LITAF: variants seen among roughly 807,000 people sequenced by gnomAD.
LITAF encodes lipopolysaccharide-induced tumor necrosis factor-alpha factor.
A neutral mutation model predicts 14.5 loss-of-function variants in LITAF; 9 were observed. That is an observed-to-expected ratio of 0.62 (90% confidence interval 0.37 to 1.08). LITAF has a LOEUF of 1.08. Ranked by LOEUF, LITAF falls within the 50% of genes least tolerant of loss-of-function variation. The probability of loss-of-function intolerance (pLI) is 0.01; values close to 1 mark genes in which losing one functional copy is unlikely to be tolerated. For synonymous variants in LITAF, 98 were observed against 88.2 expected (o/e 1.11, Z -0.62); for missense variants, 206 against 213.4 (o/e 0.97, Z 0.22).
chr16:11,623,192 A>G (rs1053643943), intron 3 of LITAF, among the ~76,000 whole-genome samples: 1 of 151,206 alleles, frequency 6.6e-6, no homozygotes, highest in Admixed American at 6.6e-5. Flanking sequence ...CGATCTCCTG[A>G]CCTTGTGATC....
chr16:11,569,439 G>C (rs1438318335), intron 1 of LITAF, among the ~76,000 whole-genome samples: 3 of 151,766 alleles, frequency 2.0e-5, no homozygotes, highest in Non-Finnish European at 4.4e-5. Flanking sequence ...ATGAGGTCTC[G>C]CCATGTTGCC....
chr16:11,581,982 G>C (rs73511519), intron 1 of LITAF, among the ~76,000 whole-genome samples: 1,732 of 152,264 alleles, frequency 0.011, 37 homozygotes, highest in African/African-American at 0.04. Context: ...TAGGTACAAA[G>C]TTACAGTTCA....
At chr16:11,588,528 AAAAG>A (rs781510689), upstream of LITAF, among the ~76,000 whole-genome samples, 82 of 136,420 alleles carry the variant, frequency 6.0e-4, no homozygotes, top group South Asian at 2.8e-3. Context: ...AAAGAAAAAA[AAAAG>A]AAAGAAAAAG....
Position 11,564,130 on chromosome 16 carries a change from G to C in LITAF, c.-5-7395C>G, listed in dbSNP as rs543954711. ...TCACCATGTTGGCCAGGCTGCTCTC[G>C]AACTCCTGACCTCAAGTGATCCACT... On this transcript the variant is annotated intron_variant, in intron 1 of 3. Transcript: ENST00000622633. 3.3e-5 allele frequency among the ~76,000 whole-genome samples: 5 copies of C among 151,952 alleles called. No individual in the cohort carries two copies. In the East Asian group the frequency reaches 9.7e-4, roughly 30 times the overall value.
intron 3 of LITAF, among the ~76,000 whole-genome samples, chr16:11,617,460 C>A (rs763956311): frequency 5.0e-4 from 60 of 120,348 alleles, no homozygotes; most frequent in Non-Finnish European, 8.7e-4. Flanking sequence ...TGAGTCGGAG[C>A]CTTGCTCTGT....
intron 1 of LITAF, among the ~76,000 whole-genome samples, chr16:11,593,340 G>T (rs58928207): frequency 0.43 from 55,639 of 129,314 alleles, 12,632 homozygotes; most frequent in African/African-American, 0.61. Flanking sequence ...TGGGAGACAA[G>T]CGAAACTCTG....
At chr16:11,617,585 C>T (rs559981229) in intron 3 of LITAF, among the ~76,000 whole-genome samples, 1 of 150,884 alleles carries the variant, frequency 6.6e-6, no homozygotes, top group Admixed American at 6.6e-5. Flanking sequence ...CACCACCACG[C>T]CCAGCTAATT....
chr16:11,615,742 T>C (rs1194256662), intron 3 of LITAF, among the ~76,000 whole-genome samples: 1 of 152,130 alleles, frequency 6.6e-6, no homozygotes, highest in Non-Finnish European at 1.5e-5. Flanking sequence ...ATAAAAAGTA[T>C]CTGCTTGGTC....
At chr16:11,569,312 C>T (rs563969904) in intron 1 of LITAF, among the ~76,000 whole-genome samples, 5 of 152,228 alleles carry the variant, frequency 3.3e-5, no homozygotes, top group African/African-American at 1.2e-4. Flanking sequence ...ACCTGCATAG[C>T]TCACCACAGG....
chr16:11,640,052 G>C (rs996083347), upstream of LITAF, among the ~76,000 whole-genome samples: 1 of 152,142 alleles, frequency 6.6e-6, no homozygotes, highest in African/African-American at 2.4e-5. Flanking sequence ...GAGATTACAC[G>C]TGTGAGCCAC....
chr16:11,612,920 T>A (rs1442027444), intron 3 of LITAF, among the ~76,000 whole-genome samples: 3 of 152,138 alleles, frequency 2.0e-5, no homozygotes, highest in African/African-American at 7.2e-5. Flanking sequence ...AATCTTGACC[T>A]CCCAACCCTG....
chr16:11,629,486 G>T (rs966704785), intron 3 of LITAF, among the ~76,000 whole-genome samples: 1 of 152,182 alleles, frequency 6.6e-6, no homozygotes. Context: ...GAGGCAAGGG[G>T]GCCCTGCTGA....
chr16:11,569,535 T>G (rs1237967500), intron 1 of LITAF, among the ~76,000 whole-genome samples: 2 of 151,982 alleles, frequency 1.3e-5, no homozygotes, highest in Admixed American at 6.6e-5. Flanking sequence ...TAACTTAACA[T>G]GTGGAAATTT....
intron 1 of LITAF, among the ~76,000 whole-genome samples, chr16:11,594,694 A>G (rs1261393919): frequency 1.3e-5 from 2 of 151,884 alleles, no homozygotes; most frequent in East Asian, 3.9e-4. Context: ...TGGTCAGCAT[A>G]GTGAAACCCT....
chr16:11,616,606 C>T (rs141122839), intron 3 of LITAF, among the ~76,000 whole-genome samples: 181 of 152,260 alleles, frequency 1.2e-3, no homozygotes, highest in African/African-American at 4.1e-3. Context: ...GTACGTGAGG[C>T]AAAGACCAAA....
At chr16:11,601,133 C>T (rs1280765110), upstream of LITAF, among the ~76,000 whole-genome samples, 2 of 152,094 alleles carry the variant, frequency 1.3e-5, no homozygotes, top group Non-Finnish European at 2.9e-5. Flanking sequence ...CTCACTCCTC[C>T]TTTTGCACCT....
rs974395901 is a variant in LITAF at position 11,557,742 on chromosome 16, C to T, written c.-5-1007G>A. Among the ~76,000 whole-genome samples the T allele has an allele frequency of 4.6e-5, 7 of 152,220 alleles. No homozygotes were observed. In the South Asian group the frequency reaches 6.2e-4, roughly 13 times the overall value. On this transcript the variant is annotated intron_variant, in intron 1 of 3. Coordinates refer to ENST00000622633, the MANE Select transcript of LITAF (RefSeq NM_001136472.2). ...CTGGGATTAAAGGCATGAGCCACCG[C>T]GCCCAGCCTCTGTGTTATAGCTTTT...
chr16:11,603,912 T>G (rs1318964216), intron 3 of LITAF, among the ~76,000 whole-genome samples: 2 of 151,672 alleles, frequency 1.3e-5, no homozygotes, highest in Non-Finnish European at 2.9e-5. Flanking sequence ...CCAGGCGTGG[T>G]GGCGGGCGCC....
intron 1 of LITAF, among the ~76,000 whole-genome samples, chr16:11,593,522 C>G (rs1437742802): frequency 6.6e-6 from 1 of 152,082 alleles, no homozygotes; most frequent in Non-Finnish European, 1.5e-5. Context: ...CAAGTGAAAA[C>G]TTGTACGAGA....
Sources: gnomAD v4.1 joint callset for allele counts (sites outside exome capture counted in the v4.1 genomes callset) on GRCh38, gnomAD v4.1.1 for gene constraint, MANE v1.5 for transcripts, NCBI Gene and HGNC (gene_info 2026-07-23, HGNC 2026-07-21) for gene names.